The following DNAH3 variants were observed in gnomAD, a reference collection of about 807,000 sequenced individuals.
The protein encoded by DNAH3 is dynein axonemal heavy chain 3, also known as axonemal beta dynein heavy chain 3.
Under a neutral mutation model 432.5 loss-of-function variants are expected in DNAH3, and 332 were observed. That is an observed-to-expected ratio of 0.77 (90% CI 0.70 to 0.84). The LOEUF (loss-of-function observed/expected upper bound fraction) is 0.84. Among genes scored for constraint, DNAH3 ranks in the 40% least tolerant of loss-of-function variants. The pLI, the probability that DNAH3 is intolerant of heterozygous loss-of-function variation, is 0.00. For missense variants in DNAH3, 4,861 were observed against 5,114.0 expected (o/e 0.95, Z 1.51); for synonymous variants, 1,956 against 1,900.2 (o/e 1.03, Z -0.76).
At chr16:20,995,506 G>T (rs185760941) in intron 44 of DNAH3, among the ~76,000 whole-genome samples, 230 of 152,218 alleles carry the variant, frequency 1.5e-3, no homozygotes, top group Admixed American at 2.6e-3. Flanking sequence ...CTTGAGATCT[G>T]CCCACTTTGG....
At chr16:20,960,929 C>A (rs2084790326) in intron 53 of DNAH3, among the ~76,000 whole-genome samples, 1 of 152,184 alleles carries the variant, frequency 6.6e-6, no homozygotes, top group Admixed American at 6.5e-5. Context: ...AAAATTTGAT[C>A]CAGAATGGCG....
intron 44 of DNAH3, among the ~76,000 whole-genome samples, chr16:20,992,939 C>G (rs558778494): frequency 6.6e-6 from 1 of 152,254 alleles, no homozygotes; most frequent in Admixed American, 6.5e-5. Flanking sequence ...GGTCTCAGCT[C>G]ACTGCAACCT....
At position 21,140,551 on chromosome 16, in the gene DNAH3, AG is replaced by A. The variant is rs1207380525; in HGVS notation, c.680del (p.Ser227LeufsTer12). The A allele has an allele frequency of 1.9e-6, 3 of 1,613,982 alleles. No individual in the cohort carries two copies. Among genetic ancestry groups the A allele is most frequent in the Non-Finnish European group, 1.7e-6 (2 of 1,179,970 alleles). The stretch of plus-strand genomic sequence containing the variant: ...AGGAACGTACCTCCAGGTCCGATTC[AG>A]ATGGCTTCTTTTCTTTACTTTCCAT... On this transcript the variant is annotated frameshift_variant, in exon 5 of 62. Transcript: ENST00000261383. LOFTEE classifies it high-confidence loss of function.
intron 44 of DNAH3, among the ~76,000 whole-genome samples, chr16:20,990,267 CATCT>C (rs924195384): frequency 1.3e-5 from 2 of 152,236 alleles, no homozygotes; most frequent in African/African-American, 4.8e-5. Context: ...ATCCTTATAT[CATCT>C]ATCTGTCTAA....
chr16:21,134,330 C>A, exon 7 of DNAH3: 1 of 1,614,168 alleles, frequency 6.2e-7, no homozygotes, highest in Non-Finnish European at 8.5e-7. Flanking sequence ...CGTTCCACTT[C>A]TTGGCGCTCC....
At position 21,022,102 on chromosome 16, in the gene DNAH3, T is replaced by A. The variant is rs1227805673; in HGVS notation, c.5647-2A>T. On this transcript the variant is annotated splice_acceptor_variant, in intron 39 of 61. Transcript: ENST00000261383. LOFTEE classifies it high-confidence loss of function. ...AAGCCACATGAACATGTCATTGACC[T>A]GAGAGTAGAAACCTCCATGAGACTT... The A allele has an allele frequency of 6.2e-7, 1 of 1,613,830 alleles. No individual in the cohort carries two copies. Among genetic ancestry groups the A allele is most frequent in the South Asian group, 1.1e-5 (1 of 91,068 alleles).
chr16:21,134,221 A>C (rs2092609626), intron 7 of DNAH3, 38 bp downstream of exon 8: 1 of 1,587,594 alleles, frequency 6.3e-7, no homozygotes, highest in African/African-American at 1.4e-5. Flanking sequence ...GGATGTGGTC[A>C]AGAAAGGGAA....
intron 53 of DNAH3, among the ~76,000 whole-genome samples, chr16:20,961,038 A>C (rs998870081): frequency 6.6e-6 from 1 of 152,152 alleles, no homozygotes; most frequent in African/African-American, 2.4e-5. Context: ...CCTGCTAAAC[A>C]ACACAAATTT....
At chr16:20,980,253 TC>T in intron 49 of DNAH3, among the ~76,000 whole-genome samples, 1 of 127,020 alleles carries the variant, frequency 7.9e-6, no homozygotes, top group Non-Finnish European at 1.7e-5. Flanking sequence ...ATAATATACA[TC>T]ATATATTATA....
At chr16:21,117,211 G>T in exon 12 of DNAH3, 2 of 1,600,256 alleles carry the variant, frequency 1.2e-6, no homozygotes, top group South Asian at 1.1e-5. Flanking sequence ...ACTTGCAGGG[G>T]CCAACTTGAT....
chr16:21,066,239 A>T (rs1228716813), intron 24 of DNAH3, among the ~76,000 whole-genome samples: 1 of 151,648 alleles, frequency 6.6e-6, no homozygotes, highest in Non-Finnish European at 1.5e-5. Flanking sequence ...TATGTTTCTT[A>T]AAGGTAAATT....
intron 53 of DNAH3, among the ~76,000 whole-genome samples, chr16:20,962,395 G>C (rs2084865106): frequency 6.6e-6 from 1 of 152,112 alleles, no homozygotes; most frequent in Non-Finnish European, 1.5e-5. Flanking sequence ...TGCATTGTGA[G>C]GCTTCTTTAA....
chr16:20,988,346 A>ATC (rs1483116024), intron 44 of DNAH3, among the ~76,000 whole-genome samples: 1 of 152,230 alleles, frequency 6.6e-6, no homozygotes, highest in African/African-American at 2.4e-5. Context: ...GATATAGAGC[A>ATC]TCTCCATACT....
intron 35 of DNAH3, among the ~76,000 whole-genome samples, chr16:21,036,340 A>G (rs2089166418): frequency 6.6e-6 from 1 of 152,128 alleles, no homozygotes; most frequent in African/African-American, 2.4e-5. Flanking sequence ...ACAAACAAAC[A>G]AACAAACAAA....
intron 16 of DNAH3, among the ~76,000 whole-genome samples, chr16:21,099,523 T>A (rs1426339538): frequency 6.6e-6 from 1 of 152,156 alleles, no homozygotes; most frequent in Non-Finnish European, 1.5e-5. Context: ...GCTCCCTTTT[T>A]CTAATGAGGT....
intron 18 of DNAH3, among the ~76,000 whole-genome samples, chr16:21,088,215 TC>T (rs1423209171): frequency 1.3e-5 from 2 of 152,278 alleles, no homozygotes; most frequent in African/African-American, 4.8e-5. Context: ...AAAAAAAGTA[TC>T]CTTCATGCAC....
chr16:20,982,769 G>T, exon 49 of DNAH3: 1 of 1,614,126 alleles, frequency 6.2e-7, no homozygotes, highest in Non-Finnish European at 8.5e-7. Context: ...AAATTTGTTA[G>T]CCACCAACTC....
intron 40 of DNAH3, among the ~76,000 whole-genome samples, chr16:21,020,304 G>A (rs2088099475): frequency 7.5e-6 from 1 of 132,972 alleles, no homozygotes; most frequent in Admixed American, 8.0e-5. Flanking sequence ...TTACAGCCGT[G>A]AGCAATATTT....
At chr16:21,019,999 A>G in intron 40 of DNAH3, 130 bp from the exon 41 acceptor site, 1 of 984,200 alleles carries the variant, frequency 1.0e-6, no homozygotes, top group Non-Finnish European at 1.5e-6. Flanking sequence ...AGTGCCTATC[A>G]CCTACCAGAT....
Sources: gnomAD v4.1 joint callset for allele counts (sites outside exome capture counted in the v4.1 genomes callset) on GRCh38, gnomAD v4.1.1 for gene constraint, MANE v1.5 for transcripts, NCBI Gene and HGNC (gene_info 2026-07-23, HGNC 2026-07-21) for gene names.